LINGO1: variants seen among roughly 807,000 people sequenced by gnomAD.
LINGO1 encodes leucine-rich repeat and immunoglobulin-like domain-containing nogo receptor-interacting protein 1.
Under a neutral mutation model 37.3 loss-of-function variants are expected in LINGO1, and 11 were observed. The observed-to-expected ratio is 0.29, with a 90% CI of 0.19 to 0.49. The LOEUF (loss-of-function observed/expected upper bound fraction) is 0.49. LINGO1 is among the 20% of genes least tolerant of loss of function. The pLI is 0.99. For missense variants in LINGO1, 585 were observed against 878.2 expected (o/e 0.67, Z 4.22); for synonymous variants, 387 against 403.0 (o/e 0.96, Z 0.48).
intron 1 of LINGO1, among the ~76,000 whole-genome samples, chr15:77,741,751 G>A (rs547760674): frequency 2.0e-5 from 3 of 152,268 alleles, no homozygotes; most frequent in Non-Finnish European, 2.9e-5. Flanking sequence ...TACAGTTGGA[G>A]GTAAAGGAAG....
intron 2 of LINGO1, among the ~76,000 whole-genome samples, chr15:77,689,834 A>G (rs925324122): frequency 6.6e-6 from 1 of 152,188 alleles, no homozygotes; most frequent in Admixed American, 6.5e-5. Flanking sequence ...GAAACAAACA[A>G]AAAAACCAAA....
At chr15:77,634,509 A>G (rs934563692), upstream of LINGO1, among the ~76,000 whole-genome samples, 1 of 152,158 alleles carries the variant, frequency 6.6e-6, no homozygotes, top group Admixed American at 6.5e-5. Flanking sequence ...TGACAGAGGG[A>G]GGGAAGCCCA....
At chr15:77,720,438 G>C (rs1052499137) in intron 2 of LINGO1, among the ~76,000 whole-genome samples, 3 of 152,252 alleles carry the variant, frequency 2.0e-5, no homozygotes, top group Non-Finnish European at 4.4e-5. Context: ...CCGGCAGCAG[G>C]TCGCCTTTTG....
chr15:77,748,492 C>T (rs1189100199), intron 1 of LINGO1, among the ~76,000 whole-genome samples: 1 of 152,190 alleles, frequency 6.6e-6, no homozygotes, highest in Admixed American at 6.5e-5. Context: ...TCAAGGTAGC[C>T]TCTGGGCGTG....
intron 3 of LINGO1, among the ~76,000 whole-genome samples, chr15:77,650,289 G>A (rs1393759417): frequency 6.6e-6 from 1 of 152,168 alleles, no homozygotes; most frequent in Non-Finnish European, 1.5e-5. Context: ...GGTTTGGAGT[G>A]AGGGGGAAGA....
chr15:77,715,298 G>A (rs1424175755), intron 2 of LINGO1, among the ~76,000 whole-genome samples: 2 of 152,230 alleles, frequency 1.3e-5, no homozygotes, highest in Non-Finnish European at 2.9e-5. Flanking sequence ...GTGGCTTGGG[G>A]GCCTAGGAGG....
chr15:77,806,904 C>T lies in LINGO1; in HGVS notation c.-457-10851G>A, dbSNP rs2076964581. ...ACACTATGGAGCCAGAGGGATCTTC[C>T]CTGCATGAGTGTCCTGCTTGGAACC... On this transcript the variant is annotated intron_variant, in intron 1 of 5. Coordinates refer to the LINGO1 transcript ENST00000562933. Among the ~76,000 whole-genome samples, 2 of 152,112 alleles carry T rather than the reference C, an allele frequency of 1.3e-5. 1 individual carries two copies.
intron 2 of LINGO1, among the ~76,000 whole-genome samples, chr15:77,792,951 A>C (rs1482770586): frequency 1.3e-5 from 2 of 152,216 alleles, no homozygotes; most frequent in Non-Finnish European, 2.9e-5. Flanking sequence ...ACAGATGTGC[A>C]CAGGGAGGGT....
chr15:77,810,128 T>C (rs4624134), intron 1 of LINGO1, among the ~76,000 whole-genome samples: 150,522 of 152,076 alleles, frequency 0.99, 74,529 homozygotes, highest in Middle Eastern at 1. Context: ...CCAGTCTCAG[T>C]CCCAGATGGC....
chr15:77,689,669 T>C (rs1260668918), intron 2 of LINGO1, among the ~76,000 whole-genome samples: 2 of 152,162 alleles, frequency 1.3e-5, no homozygotes, highest in Non-Finnish European at 2.9e-5. Flanking sequence ...CCAAGGCCCA[T>C]CTTTGCCTGC....
chr15:77,675,721 CA>C (rs2075316318), intron 3 of LINGO1, among the ~76,000 whole-genome samples: 1 of 152,012 alleles, frequency 6.6e-6, no homozygotes, highest in South Asian at 2.1e-4. Context: ...TAGATACATA[CA>C]TAGATAATAG....
intron 3 of LINGO1, among the ~76,000 whole-genome samples, chr15:77,669,794 G>A (rs2075215544): frequency 6.6e-6 from 1 of 152,218 alleles, no homozygotes; most frequent in Admixed American, 6.5e-5. Context: ...TCACAAACTG[G>A]AGAGCATGCC....
chr15:77,788,465 C>G (rs114866750), upstream of LINGO1: 600 of 152,294 alleles, frequency 3.9e-3, 4 homozygotes, highest in African/African-American at 0.014. Flanking sequence ...ACCACTGATG[C>G]GTGGCAGAGC....
At chr15:77,816,375 C>T (rs1278939946) in intron 1 of LINGO1, among the ~76,000 whole-genome samples, 2 of 152,282 alleles carry the variant, frequency 1.3e-5, no homozygotes, top group East Asian at 1.9e-4. Flanking sequence ...CAGAAGCCCA[C>T]GGAAGAAACT....
chr15:77,735,452 T>C (rs1322542180), intron 1 of LINGO1, among the ~76,000 whole-genome samples: 1 of 152,184 alleles, frequency 6.6e-6, no homozygotes, highest in African/African-American at 2.4e-5. Context: ...AGGCCACGTG[T>C]GGCTTATGGT....
intron 1 of LINGO1, among the ~76,000 whole-genome samples, chr15:77,758,673 T>C (rs1012282433): frequency 1.1e-4 from 16 of 152,134 alleles, no homozygotes; most frequent in Non-Finnish European, 2.1e-4. Context: ...CTCTGTGACA[T>C]TGGCAAGCTG....
chr15:77,645,159 C>G (rs2074596339), intron 3 of LINGO1, among the ~76,000 whole-genome samples: 1 of 152,214 alleles, frequency 6.6e-6, no homozygotes, highest in South Asian at 2.1e-4. Flanking sequence ...CCAGACACCC[C>G]TCCTCCCAAA....
chr15:77,726,892 C>G (rs1216378046), intron 2 of LINGO1, among the ~76,000 whole-genome samples: 1 of 152,152 alleles, frequency 6.6e-6, no homozygotes, highest in Non-Finnish European at 1.5e-5. Context: ...TTCTACAACT[C>G]AACAACAAAA....
chr15:77,682,383 C>T (rs1417343448), intron 2 of LINGO1, among the ~76,000 whole-genome samples: 1 of 151,680 alleles, frequency 6.6e-6, no homozygotes, highest in Non-Finnish European at 1.5e-5. Context: ...CACGGGGCCA[C>T]GGTACAGTGG....
Sources: allele counts gnomAD v4.1 joint callset (sites outside exome capture counted in the v4.1 genomes callset), GRCh38; gene constraint gnomAD v4.1.1; transcripts MANE v1.5; gene names NCBI Gene and HGNC (gene_info 2026-07-23, HGNC 2026-07-21).